Variants in ADARB1 observed in about 807,000 individuals in gnomAD.
ADARB1 encodes double-stranded RNA-specific editase 1.
Under a neutral mutation model 52.4 loss-of-function variants are expected in ADARB1, and 10 were observed. That is an observed-to-expected ratio of 0.19 (90% CI 0.12 to 0.32). ADARB1 has a LOEUF of 0.32. ADARB1 is among the 10% of genes least tolerant of loss of function. The pLI is 1.00. For synonymous variants in ADARB1, 349 were observed against 371.1 expected (o/e 0.94, Z 0.68); for missense variants, 643 against 922.3 (o/e 0.70, Z 3.92).
In ADARB1 at chr21:45,208,538, G is replaced by A. The variant is rs1405866187; in HGVS notation, c.1747+3802G>A. Among the ~76,000 whole-genome samples, 1 of 152,174 alleles carries A rather than the reference G, an allele frequency of 6.6e-6. No homozygotes were observed. The highest frequency in any genetic ancestry group is 2.4e-5 in the African/African-American group (1 of 41,442). On this transcript the variant is annotated intron_variant, in intron 9 of 10. Coordinates refer to ENST00000348831, the MANE Select transcript of ADARB1 (RefSeq NM_001112.4). The surrounding 1 kb of genome is among the most constrained non-coding windows in gnomAD (Gnocchi z 5.6). ...TTGACATTATGGGCAGGAAGAGCAA[G>A]GGAAGCTGGTTTAATGAGGCCCTGG...
At chr21:45,171,777 G>T in intron 3 of ADARB1, 93 bp downstream of exon 3, 1 of 1,229,312 alleles carries the variant, frequency 8.1e-7, no homozygotes, top group Non-Finnish European at 1.1e-6. Context: ...ACCAGTGTGG[G>T]GATTGTGTTT....
intron 9 of ADARB1, among the ~76,000 whole-genome samples, chr21:45,215,051 C>A (rs2150439): frequency 6.6e-6 from 1 of 151,840 alleles, no homozygotes; most frequent in Admixed American, 6.6e-5. Context: ...TTTTTTATTG[C>A]TGTTTTTTGT....
chr21:45,225,741 G>A lies in ADARB1; in HGVS notation c.*3544G>A. On this transcript the variant is annotated 3_prime_UTR_variant, in exon 11 of 11. Transcript: ENST00000348831. ...CCCCAGGCATAAAGAAGGAAAATTGGCCATCTTTCCCACCTCTAAATTCTG... is the reference window on the plus strand; with the variant it reads ...CCCCAGGCATAAAGAAGGAAAATTGACCATCTTTCCCACCTCTAAATTCTG... 1 of 439,294 alleles carries A rather than the reference G, an allele frequency of 2.3e-6. No homozygotes were observed. The highest frequency in any genetic ancestry group is 3.8e-6 in the Non-Finnish European group (1 of 261,274). The allele number at this position is 439,294 out of a possible 1,614,324, so 27.2% of individuals were successfully genotyped here.
Position 45,225,222 on chromosome 21 carries a change from G to T in ADARB1, c.*3025G>T. The T allele has an allele frequency of 9.2e-7, 1 of 1,086,554 alleles. No homozygotes were observed. Among genetic ancestry groups the T allele is most frequent in the Non-Finnish European group, 1.1e-6 (1 of 896,364 alleles). The allele number at this position is 1,086,554 out of a possible 1,614,324, so 67.3% of individuals were successfully genotyped here. A position where few individuals can be genotyped will look rare whatever the true frequency, so the allele number is the denominator to read the frequency against. Reference sequence around the variant, plus strand: ...GGGGCGGTGTGTTCTGTGCCATGAGGCAGCGACAGGTCCAGATGGATGTCG... The same window carrying T: ...GGGGCGGTGTGTTCTGTGCCATGAGTCAGCGACAGGTCCAGATGGATGTCG... On this transcript the variant is annotated 3_prime_UTR_variant, in exon 11 of 11. Coordinates refer to ENST00000348831, the MANE Select transcript of ADARB1 (RefSeq NM_001112.4).
At chr21:45,119,618 C>T (rs1230238047) in intron 1 of ADARB1, among the ~76,000 whole-genome samples, 2 of 152,196 alleles carry the variant, frequency 1.3e-5, no homozygotes, top group African/African-American at 4.8e-5. Flanking sequence ...TTACACTTGC[C>T]TTGATGGTGT....
At chr21:45,086,855 G>GT (rs1248833689) in intron 1 of ADARB1, among the ~76,000 whole-genome samples, 1 of 152,220 alleles carries the variant, frequency 6.6e-6, no homozygotes, top group Non-Finnish European at 1.5e-5. Flanking sequence ...TCGAAATGGA[G>GT]TTTAAGACAG....
At chr21:45,090,605 G>C (rs1264271020) in intron 1 of ADARB1, among the ~76,000 whole-genome samples, 1 of 152,140 alleles carries the variant, frequency 6.6e-6, no homozygotes, top group Non-Finnish European at 1.5e-5. Context: ...TATACCAGTG[G>C]GGCCTGAGTG....
intron 2 of ADARB1, among the ~76,000 whole-genome samples, chr21:45,153,638 A>G (rs956230375): frequency 2.6e-5 from 4 of 152,250 alleles, no homozygotes; most frequent in African/African-American, 9.6e-5. Context: ...AAAGTCAGCA[A>G]TCTTGTAATA....
In ADARB1 at chr21:45,087,676, C is replaced by T. The variant is rs150642257; in HGVS notation, c.-220+12883C>T. On this transcript the variant is annotated intron_variant, in intron 1 of 10. Coordinates refer to ENST00000348831, the MANE Select transcript of ADARB1 (RefSeq NM_001112.4). Reference sequence around the variant, plus strand: ...TAGTGTGGCCCAGCTCTTGAAACCACAGCAATACTTCATATACTCCAAAGT... The same window carrying T: ...TAGTGTGGCCCAGCTCTTGAAACCATAGCAATACTTCATATACTCCAAAGT... Among the ~76,000 whole-genome samples the T allele has an allele frequency of 3.1e-3, 475 of 152,194 alleles. 4 individuals are homozygous for T. The highest frequency in any genetic ancestry group is 0.014 in the Middle Eastern group (4 of 294).
At chr21:45,076,195 G>A (rs2085927534) in intron 1 of ADARB1, among the ~76,000 whole-genome samples, 2 of 152,226 alleles carry the variant, frequency 1.3e-5, no homozygotes, top group East Asian at 3.8e-4. Flanking sequence ...AAAGGGAGAA[G>A]GAAGAAAGGA....
intron 3 of ADARB1, among the ~76,000 whole-genome samples, chr21:45,171,977 G>A (rs1351480123): frequency 1.3e-5 from 2 of 152,118 alleles, no homozygotes; most frequent in Non-Finnish European, 2.9e-5. Flanking sequence ...GTCCTGTCAC[G>A]GCATGCCTCT....
At chr21:45,217,530 T>G (rs1466259330) in intron 9 of ADARB1, among the ~76,000 whole-genome samples, 9 of 152,198 alleles carry the variant, frequency 5.9e-5, no homozygotes, top group Admixed American at 5.9e-4. Flanking sequence ...TTCAGACACT[T>G]TTGCATGTGT....
In ADARB1 at chr21:45,221,131, C is replaced by T. The variant is rs1216210840; in HGVS notation, c.1926+117C>T. The T allele has an allele frequency of 4.1e-6, 5 of 1,215,110 alleles. No individual in the cohort carries two copies. The highest frequency in any genetic ancestry group is 1.5e-5 in the South Asian group (1 of 65,188). 75.3% of individuals were successfully genotyped at this position (1,215,110 alleles called of 1,614,324 possible). A position where few individuals can be genotyped will look rare whatever the true frequency, so the allele number is the denominator to read the frequency against. ...TGTCATCATGCACAGCTTCCGAAAA[C>T]GATCACTTGGAATGATTCTTCCTTC... On this transcript the variant is annotated intron_variant, in intron 10 of 10. Transcript: ENST00000348831. The surrounding 1 kb of genome is among the most constrained non-coding windows in gnomAD (Gnocchi z 4.9).
At chr21:45,095,841 A>G (rs2086736379) in intron 1 of ADARB1, among the ~76,000 whole-genome samples, 1 of 152,214 alleles carries the variant, frequency 6.6e-6, no homozygotes, top group Admixed American at 6.5e-5. Flanking sequence ...TCTGTGAGTA[A>G]GGGTCTCCCA....
At chr21:45,153,780 C>G (rs887871599) in intron 2 of ADARB1, among the ~76,000 whole-genome samples, 4 of 152,192 alleles carry the variant, frequency 2.6e-5, no homozygotes, top group Admixed American at 2.0e-4. Flanking sequence ...ATGCCACACC[C>G]TCGATGCTTT....
chr21:45,091,242 CT>C (rs924582093), intron 1 of ADARB1, among the ~76,000 whole-genome samples: 6 of 152,330 alleles, frequency 3.9e-5, no homozygotes, highest in South Asian at 4.1e-4. Context: ...GTCTTTGCCC[CT>C]GGTATTATCT....
At chr21:45,212,735 CA>C (rs2092792688) in intron 9 of ADARB1, among the ~76,000 whole-genome samples, 3 of 152,024 alleles carry the variant, frequency 2.0e-5, no homozygotes, top group African/African-American at 7.2e-5. Flanking sequence ...CAGAAGAAAC[CA>C]TGCCAGCTAC....
intron 1 of ADARB1, among the ~76,000 whole-genome samples, chr21:45,124,150 A>G (rs933401033): frequency 6.6e-6 from 1 of 152,230 alleles, no homozygotes; most frequent in African/African-American, 2.4e-5. Flanking sequence ...TTTAAAAAAT[A>G]TTATTGGATT....
chr21:45,191,552 T>A (rs1366702704), intron 8 of ADARB1, among the ~76,000 whole-genome samples: 11 of 152,130 alleles, frequency 7.2e-5, no homozygotes, highest in Non-Finnish European at 1.2e-4. Flanking sequence ...TGGTAAATAA[T>A]TAATAGATTT....
Sources: allele counts gnomAD v4.1 joint callset (sites outside exome capture counted in the v4.1 genomes callset), GRCh38; gene constraint gnomAD v4.1.1; non-coding constraint Gnocchi (gnomAD v3.1); transcripts MANE v1.5; gene names NCBI Gene and HGNC (gene_info 2026-07-23, HGNC 2026-07-21).